Variants in PCDH9 observed in about 807,000 individuals in gnomAD.
The protein encoded by PCDH9 is protocadherin-9.
PCDH9 carries 24 observed loss-of-function variants against 70.6 expected under a neutral mutation model. That is an observed-to-expected ratio of 0.34 (90% CI 0.25 to 0.48). The LOEUF is 0.48. Ranked by LOEUF, PCDH9 falls within the 20% of genes least tolerant of loss-of-function variation. The pLI is 0.99. For missense variants in PCDH9, 1,281 were observed against 1,503.6 expected (o/e 0.85, Z 2.45); for synonymous variants, 562 against 558.5 (o/e 1.01, Z -0.09).
At chr13:66,923,403 TCAAA>T (rs2082668360) in intron 2 of PCDH9, among the ~76,000 whole-genome samples, 1 of 151,656 alleles carries the variant, frequency 6.6e-6, no homozygotes, top group African/African-American at 2.4e-5. Flanking sequence ...AATTTTGTAT[TCAAA>T]CATTTTTAAT....
intron 3 of PCDH9, among the ~76,000 whole-genome samples, chr13:66,832,918 C>T (rs2080953661): frequency 6.6e-6 from 1 of 152,104 alleles, no homozygotes; most frequent in Non-Finnish European, 1.5e-5. Context: ...TCCTCTACTA[C>T]CTATACTTGC....
chr13:66,568,934 G>A (rs2076692515), intron 4 of PCDH9, among the ~76,000 whole-genome samples: 1 of 147,614 alleles, frequency 6.8e-6, no homozygotes, highest in African/African-American at 2.5e-5. Context: ...TAAGTACTAT[G>A]TAGTATGAAA....
chr13:66,755,200 A>ATT (rs1224819715), intron 3 of PCDH9, among the ~76,000 whole-genome samples: 1 of 148,832 alleles, frequency 6.7e-6, no homozygotes, highest in Admixed American at 6.7e-5. Flanking sequence ...ATGGGAACAG[A>ATT]ATAAATTTAA....
chr13:67,084,966 CAAAAAAAAAAAAAA>C (rs1158690945), intron 2 of PCDH9, among the ~76,000 whole-genome samples: 11 of 41,458 alleles, frequency 2.7e-4, no homozygotes, highest in South Asian at 2.1e-3. Flanking sequence ...GATGCTGTCT[CAAAAAAAAAAAAAA>C]AAAAAAAAAA....
intron 2 of PCDH9, among the ~76,000 whole-genome samples, chr13:67,183,110 T>C (rs906230378): frequency 2.6e-5 from 4 of 152,166 alleles, no homozygotes; most frequent in Non-Finnish European, 2.9e-5. Context: ...TAATAATTAC[T>C]ACTATTTTAT....
chr13:66,593,156 G>A (rs894192797), intron 4 of PCDH9, among the ~76,000 whole-genome samples: 1 of 151,564 alleles, frequency 6.6e-6, no homozygotes, highest in African/African-American at 2.4e-5. Flanking sequence ...TACATTTTTG[G>A]TATATGATTA....
intron 3 of PCDH9, among the ~76,000 whole-genome samples, chr13:66,655,777 A>T (rs933185577): frequency 5.3e-4 from 81 of 152,336 alleles, no homozygotes; most frequent in African/African-American, 1.9e-3. Flanking sequence ...AAATCAAAAA[A>T]CATCCTAAAA....
At chr13:66,447,622 C>A (rs1039679982) in intron 4 of PCDH9, among the ~76,000 whole-genome samples, 5 of 152,032 alleles carry the variant, frequency 3.3e-5, no homozygotes, top group African/African-American at 4.8e-5. Context: ...TTTATTGTAG[C>A]AAGTTTTAAA....
intron 3 of PCDH9, among the ~76,000 whole-genome samples, chr13:66,833,129 G>T (rs937253062): frequency 6.6e-6 from 1 of 151,966 alleles, no homozygotes; most frequent in Non-Finnish European, 1.5e-5. Flanking sequence ...TAACAATCCT[G>T]CCCGTTAATG....
At chr13:66,912,788 G>A (rs1459831580) in intron 2 of PCDH9, among the ~76,000 whole-genome samples, 1 of 151,840 alleles carries the variant, frequency 6.6e-6, no homozygotes, top group Non-Finnish European at 1.5e-5. Flanking sequence ...TAGCATAAAT[G>A]CATCCTGGAT....
chr13:66,344,054 TA>T (rs1325908886), intron 4 of PCDH9, among the ~76,000 whole-genome samples: 11 of 152,214 alleles, frequency 7.2e-5, no homozygotes, highest in African/African-American at 2.7e-4. Context: ...TTAATGTAAG[TA>T]AAAAATCTGA....
At chr13:66,592,330 G>C (rs995748688) in intron 4 of PCDH9, among the ~76,000 whole-genome samples, 1 of 151,604 alleles carries the variant, frequency 6.6e-6, no homozygotes, top group Non-Finnish European at 1.5e-5. Context: ...TCCAATGATG[G>C]GGGGAAGAAA....
At chr13:66,427,175 G>A (rs575657586) in intron 4 of PCDH9, among the ~76,000 whole-genome samples, 1 of 151,666 alleles carries the variant, frequency 6.6e-6, no homozygotes, top group Admixed American at 6.6e-5. Flanking sequence ...TCATATTAAT[G>A]TAGATCATGA....
intron 2 of PCDH9, among the ~76,000 whole-genome samples, chr13:67,061,543 G>C (rs1367965875): frequency 1.3e-5 from 2 of 151,926 alleles, no homozygotes; most frequent in Non-Finnish European, 2.9e-5. Context: ...AAAAAGGATT[G>C]GTTTAAAAAT....
chr13:66,869,638 T>G (rs971555605), intron 3 of PCDH9, among the ~76,000 whole-genome samples: 8 of 152,188 alleles, frequency 5.3e-5, no homozygotes, highest in Non-Finnish European at 8.8e-5. Flanking sequence ...TTATTCTGCG[T>G]GTCTTTATGT....
At chr13:66,838,506 AG>A (rs1476533947) in intron 3 of PCDH9, among the ~76,000 whole-genome samples, 5 of 152,144 alleles carry the variant, frequency 3.3e-5, no homozygotes, top group Admixed American at 6.5e-5. Context: ...GGTTTTCAAA[AG>A]AGAACCTGCT....
chr13:66,774,246 G>C lies in PCDH9; in HGVS notation c.3138+129258C>G, dbSNP rs372600897. ...AGGGGACAGACTTGCTATTAGGAGA[G>C]AGCCAACGTCTGACTCACCCAATCT... On this transcript the variant is annotated intron_variant, in intron 3 of 4. Transcript: ENST00000377865. Among the ~76,000 whole-genome samples, 62 of 152,208 alleles carry C rather than the reference G, an allele frequency of 4.1e-4. No individual in the cohort carries two copies. In the South Asian group the frequency reaches 0.012, roughly 30 times the overall value.
rs945808391 is a variant in PCDH9, at chr13:67,225,047, G to A, written c.3036+358C>T. ...GACTTTTTAGATCAAAAGGTAAGGTGAAAGTCTTGAAGCAGTCAATTTGGA... is the reference window on the plus strand; with the variant it reads ...GACTTTTTAGATCAAAAGGTAAGGTAAAAGTCTTGAAGCAGTCAATTTGGA... On this transcript the variant is annotated intron_variant, in intron 2 of 4. Coordinates refer to ENST00000377865, the MANE Select transcript of PCDH9 (RefSeq NM_203487.3). The A allele has an allele frequency of 2.0e-5, 22 of 1,083,282 alleles. No homozygotes were observed. In the South Asian group the frequency reaches 6.9e-4, roughly 34 times the overall value. The allele number at this position is 1,083,282 out of a possible 1,614,324, so 67.1% of individuals were successfully genotyped here. A position where few individuals can be genotyped will look rare whatever the true frequency, so the allele number is the denominator to read the frequency against.
At chr13:66,949,388 A>G (rs1341443183) in intron 2 of PCDH9, among the ~76,000 whole-genome samples, 1 of 152,108 alleles carries the variant, frequency 6.6e-6, no homozygotes, top group Non-Finnish European at 1.5e-5. Flanking sequence ...GAAAATAAAC[A>G]TGGAGGTACC....
Sources: gnomAD v4.1 joint callset for allele counts (sites outside exome capture counted in the v4.1 genomes callset) on GRCh38, gnomAD v4.1.1 for gene constraint, MANE v1.5 for transcripts, NCBI Gene and HGNC (gene_info 2026-07-23, HGNC 2026-07-21) for gene names.